ZC3H11A: variants seen among roughly 807,000 people sequenced by gnomAD.
ZC3H11A encodes zinc finger CCCH domain-containing protein 11A.
In ZC3H11A, 22 loss-of-function variants were observed where a neutral mutation model predicts 90.8. The observed-to-expected ratio is 0.24, with a 90% CI of 0.17 to 0.35. The LOEUF (loss-of-function observed/expected upper bound fraction) is 0.35. ZC3H11A is among the 10% of genes least tolerant of loss of function. ZC3H11A has a pLI of 1.00. For missense variants in ZC3H11A, 701 were observed against 964.9 expected (o/e 0.73, Z 3.62); for synonymous variants, 294 against 339.8 (o/e 0.87, Z 1.48).
intron 16 of ZC3H11A, 56 bp downstream of exon 16, chr1:203,850,737 A>G: frequency 1.3e-6 from 2 of 1,573,872 alleles, no homozygotes; most frequent in Middle Eastern, 1.7e-4. Flanking sequence ...AAAGCAGGAA[A>G]GACTAACTCT....
chr1:203,836,431 TAAAC>T (rs1684348642), intron 10 of ZC3H11A, among the ~76,000 whole-genome samples: 1 of 152,198 alleles, frequency 6.6e-6, no homozygotes, highest in Admixed American at 6.5e-5. Context: ...TGGTGACTTT[TAAAC>T]AACTTGTATT....
Position 203,847,797 on chromosome 1 carries a change from C to T in ZC3H11A, c.1546+110C>T, listed in dbSNP as rs1202447444. 6 of 1,448,530 alleles carry T rather than the reference C, an allele frequency of 4.1e-6. No homozygotes were observed. In the African/African-American group the frequency reaches 4.3e-5, roughly 10 times the overall value. 89.7% of individuals were successfully genotyped at this position (1,448,530 alleles called of 1,614,324 possible). A position where few individuals can be genotyped will look rare whatever the true frequency, so the allele number is the denominator to read the frequency against. On this transcript the variant is annotated intron_variant, in intron 13 of 17. Coordinates refer to ENST00000367210, the MANE Select transcript of ZC3H11A (RefSeq NM_001376342.1). ...TGACAACCTTTCTTTACTCAGATAA[C>T]GTTGAAAACACTGAATTAAATGAAG... is the stretch of plus-strand genomic sequence containing the variant.
rs570982249 is a variant in ZC3H11A at position 203,843,013 on chromosome 1, C to T, written c.1042+2639C>T. On this transcript the variant is annotated intron_variant, in intron 12 of 17. Coordinates refer to ENST00000367210, the MANE Select transcript of ZC3H11A (RefSeq NM_001376342.1). ...CTCTATTTATGAATGCTGTTAGCCACCTTAGGTTACTTTTTATCCCCCATC... is the reference window on the plus strand; with the variant it reads ...CTCTATTTATGAATGCTGTTAGCCATCTTAGGTTACTTTTTATCCCCCATC... Among the ~76,000 whole-genome samples the T allele has an allele frequency of 3.2e-4, 48 of 151,396 alleles. No individual in the cohort carries two copies. In the South Asian group the frequency reaches 9.2e-3, roughly 29 times the overall value.
chr1:203,834,924 A>G (rs6593972), intron 10 of ZC3H11A, among the ~76,000 whole-genome samples: 149,415 of 152,364 alleles, frequency 0.98, 73,334 homozygotes, highest in East Asian at 1. Flanking sequence ...GATTATAGGC[A>G]TGAGCCACTG....
At position 203,849,893 on chromosome 1, in the gene ZC3H11A, A is replaced by G. The variant is rs1285783242; in HGVS notation, c.1806A>G (p.Pro602=). ...AGAAACCAGTGCTCACTGCTGTGCC[A>G]GGAATCACACGGCACCTGACCAAGC... ...VAEKPVLTAV[P]GITRHLTKRL... Residue 602 remains proline, a synonymous_variant, in exon 15 of 18, where the codon CCA becomes CCG. Coordinates refer to ENST00000367210, the MANE Select transcript of ZC3H11A (RefSeq NM_001376342.1). 6.2e-7 allele frequency: 1 copy of G among 1,614,192 alleles called. No individual in the cohort carries two copies. The highest frequency in any genetic ancestry group is 8.5e-7 in the Non-Finnish European group (1 of 1,180,036).
At chr1:203,801,373 A>G (rs1571898017) in intron 1 of ZC3H11A, 1 of 152,154 alleles carries the variant, frequency 6.6e-6, no homozygotes, top group African/African-American at 2.4e-5. Context: ...AATGAAAACT[A>G]AGCAGTCGGT....
At chr1:203,849,098 T>A (rs982004263) in intron 14 of ZC3H11A, among the ~76,000 whole-genome samples, 1 of 152,224 alleles carries the variant, frequency 6.6e-6, no homozygotes, top group Non-Finnish European at 1.5e-5. Context: ...TTGTCCAGAG[T>A]GGTCTCGAAC....
At chr1:203,827,800 C>CT (rs1167137929) in intron 4 of ZC3H11A, among the ~76,000 whole-genome samples, 1 of 152,124 alleles carries the variant, frequency 6.6e-6, no homozygotes, top group Admixed American at 6.5e-5. Flanking sequence ...CCCTTGAACT[C>CT]TCAGCTTCAA....
chr1:203,798,963 C>T (rs1410399043), intron 1 of ZC3H11A: 3 of 1,536,082 alleles, frequency 2.0e-6, no homozygotes, highest in East Asian at 2.4e-5. Flanking sequence ...CCAAAAGATA[C>T]ACCTGACTGT....
chr1:203,838,114 T>C (rs368986571), intron 11 of ZC3H11A, 50 bp downstream of exon 11: 11 of 1,519,916 alleles, frequency 7.2e-6, no homozygotes, highest in South Asian at 1.2e-5. Flanking sequence ...ATGACACTTG[T>C]GTCTTGTAAT....
chr1:203,826,046 AT>A (rs1680411841), intron 4 of ZC3H11A, among the ~76,000 whole-genome samples: 1 of 152,210 alleles, frequency 6.6e-6, no homozygotes, highest in Non-Finnish European at 1.5e-5. Flanking sequence ...AAGATGTAAA[AT>A]TTAAGCAAAG....
At position 203,802,294 on chromosome 1, in the gene ZC3H11A, G is replaced by C. The variant is rs1670763193; in HGVS notation, c.-868G>C. On this transcript the variant is annotated 5_prime_UTR_variant, in exon 2 of 18. Transcript: ENST00000367210. ...TTTTGTGGGCTGGGCAAAATTTAGT[G>C]TAACAATAACTTCATGATACTTTGG... 6.6e-6 allele frequency: 1 copy of C among 152,498 alleles called. No individual in the cohort carries two copies. The highest frequency in any genetic ancestry group is 1.5e-5 in the Non-Finnish European group (1 of 68,018). The allele number at this position is 152,498 out of a possible 1,614,324, so 9.4% of individuals were successfully genotyped here. A position where few individuals can be genotyped will look rare whatever the true frequency, so the allele number is the denominator to read the frequency against.
chr1:203,844,539 C>T (rs188229021), intron 12 of ZC3H11A, among the ~76,000 whole-genome samples: 2 of 152,138 alleles, frequency 1.3e-5, no homozygotes, highest in African/African-American at 4.8e-5. Context: ...GGCTTCTTAA[C>T]CACTTCTTTT....
At chr1:203,797,613 G>T (rs779212811) in intron 1 of ZC3H11A, 92 of 1,535,728 alleles carry the variant, frequency 6.0e-5, no homozygotes, top group Non-Finnish European at 7.2e-5. Flanking sequence ...TCTGGGATGT[G>T]TTCCTATTAA....
In ZC3H11A at chr1:203,849,993, T is replaced by G; in HGVS notation, c.1906T>G (p.Cys636Gly). ...GIGDSLLNVK[C>G]AAQTLEKRGK... The stretch of plus-strand genomic sequence containing the variant: ...TGGAGACTCATTATTGAATGTGAAA[T>G]GTGCAGCACAGACCTTGGAAAAAAG... Residue 636 changes from cysteine to glycine, a missense_variant, in exon 15 of 18, where the codon TGT becomes GGT. Transcript: ENST00000367210. The G allele has an allele frequency of 6.2e-7, 1 of 1,613,952 alleles. No homozygotes were observed. Among genetic ancestry groups the G allele is most frequent in the Non-Finnish European group, 8.5e-7 (1 of 1,179,988 alleles).
rs936552189 is a variant in ZC3H11A at position 203,848,545 on chromosome 1, A to G, written c.1623+138A>G. On this transcript the variant is annotated intron_variant, in intron 14 of 17. Coordinates refer to ENST00000367210, the MANE Select transcript of ZC3H11A (RefSeq NM_001376342.1). ...TCTTTCTTTTTACTTATAATTTCTT[A>G]TGAGAATTTCCTGTAGTTCTATGTA... 9 of 669,230 alleles carry G rather than the reference A, an allele frequency of 1.3e-5. No homozygotes were observed. The African/African-American group carries it at 1.7e-4, about 13-fold the overall frequency. The allele number at this position is 669,230 out of a possible 1,614,324, so 41.5% of individuals were successfully genotyped here. A position where few individuals can be genotyped will look rare whatever the true frequency, so the allele number is the denominator to read the frequency against.
intron 10 of ZC3H11A, chr1:203,834,173 A>C (rs1222935185): frequency 1.5e-5 from 11 of 713,092 alleles, no homozygotes; most frequent in Non-Finnish European, 1.9e-5. Context: ...ATGATTGGTT[A>C]ATATAATGTG....
intron 8 of ZC3H11A, 40 bp downstream of exon 8, chr1:203,830,243 T>C: frequency 1.4e-6 from 2 of 1,480,390 alleles, no homozygotes; most frequent in Non-Finnish European, 1.8e-6. Flanking sequence ...TGTATGTTGC[T>C]AGGGAAGAAT....
At chr1:203,817,311 A>G (rs956674929) in intron 3 of ZC3H11A, among the ~76,000 whole-genome samples, 187 bp downstream of exon 3, 7 of 152,112 alleles carry the variant, frequency 4.6e-5, no homozygotes, top group East Asian at 1.9e-4. Flanking sequence ...TTCATTTTAT[A>G]TATAACTAAT....
Sources: allele counts gnomAD v4.1 joint callset (sites outside exome capture counted in the v4.1 genomes callset), GRCh38; gene constraint gnomAD v4.1.1; transcripts MANE v1.5; gene names NCBI Gene and HGNC (gene_info 2026-07-23, HGNC 2026-07-21).